LRRK2: variants seen among roughly 807,000 people sequenced by gnomAD.
LRRK2 encodes leucine-rich repeat serine/threonine-protein kinase 2.
A neutral mutation model predicts 302.6 loss-of-function variants in LRRK2; 203 were observed. The ratio of observed to expected loss-of-function variants is 0.67; its 90% confidence interval spans 0.60 to 0.75. The LOEUF (loss-of-function observed/expected upper bound fraction) is 0.75. Among genes scored for constraint, LRRK2 ranks in the 30% least tolerant of loss-of-function variants. The probability of loss-of-function intolerance (pLI) is 0.00; values close to 1 mark genes in which losing one functional copy is unlikely to be tolerated. For missense variants in LRRK2, 2,830 were observed against 2,951.0 expected, an observed-to-expected ratio of 0.96 and a Z score of 0.95; for synonymous variants, 1,066 against 1,031.9, an observed-to-expected ratio of 1.03 and a Z score of -0.63.
chr12:40,266,701 A>T (rs1943031013), intron 14 of LRRK2, among the ~76,000 whole-genome samples: 1 of 152,134 alleles, frequency 6.6e-6, no homozygotes, highest in Non-Finnish European at 1.5e-5. Flanking sequence ...ACACTTGCAC[A>T]CCTATGTTTA....
At chr12:40,348,555 A>G (rs199493663) in intron 43 of LRRK2, 46 bp downstream of exon 43, 2 of 1,085,416 alleles carry the variant, frequency 1.8e-6, no homozygotes, top group South Asian at 1.3e-5. Context: ...CATCATTTGC[A>G]TATATGCATA....
intron 3 of LRRK2, among the ~76,000 whole-genome samples, chr12:40,234,601 T>A (rs1413587021): frequency 1.3e-5 from 2 of 151,768 alleles, no homozygotes; most frequent in African/African-American, 4.8e-5. Flanking sequence ...ATGGTCTTGA[T>A]CTATTGACCT....
intron 33 of LRRK2, among the ~76,000 whole-genome samples, chr12:40,319,658 T>C (rs1480143110): frequency 6.6e-6 from 1 of 152,126 alleles, no homozygotes; most frequent in Non-Finnish European, 1.5e-5. Flanking sequence ...AATATATTAT[T>C]GATGAGACTG....
chr12:40,288,396 T>C (rs1042571608), intron 20 of LRRK2, among the ~76,000 whole-genome samples: 1 of 151,822 alleles, frequency 6.6e-6, no homozygotes, highest in Non-Finnish European at 1.5e-5. Flanking sequence ...TCTTCATGCC[T>C]CTTCACTGAA....
chr12:40,291,484 G>A (rs1241368532), intron 20 of LRRK2, among the ~76,000 whole-genome samples: 6 of 150,802 alleles, frequency 4.0e-5, no homozygotes, highest in Admixed American at 2.6e-4. Context: ...TTTGATTCAC[G>A]AGTTATTTAG....
intron 14 of LRRK2, among the ~76,000 whole-genome samples, chr12:40,268,039 A>C (rs533315165): frequency 2.0e-5 from 3 of 152,320 alleles, no homozygotes; most frequent in East Asian, 1.9e-4. Flanking sequence ...GATACATAAA[A>C]GTGCAATAAA....
At chr12:40,366,722 G>A (rs1946890635) in intron 49 of LRRK2, 1 of 336,308 alleles carries the variant, frequency 3.0e-6, no homozygotes, top group African/African-American at 2.2e-5. Flanking sequence ...TGTAACTTTG[G>A]GAAGGGTAAT....
intron 38 of LRRK2, among the ~76,000 whole-genome samples, chr12:40,325,514 G>A (rs1241944069): frequency 6.6e-6 from 1 of 152,206 alleles, no homozygotes; most frequent in Non-Finnish European, 1.5e-5. Context: ...AGAATGTTTG[G>A]CAGCATCTCT....
chr12:40,280,492 G>A (rs1425698213), intron 18 of LRRK2, among the ~76,000 whole-genome samples: 1 of 151,880 alleles, frequency 6.6e-6, no homozygotes, highest in Non-Finnish European at 1.5e-5. Context: ...GGGTATGGTG[G>A]TACCTGCTTA....
chr12:40,234,174 T>G (rs1344719947), intron 3 of LRRK2, among the ~76,000 whole-genome samples: 3 of 152,236 alleles, frequency 2.0e-5, no homozygotes, highest in South Asian at 2.1e-4. Flanking sequence ...GGTCCTCCAA[T>G]TGCCAAATGG....
chr12:40,293,184 T>G lies in LRRK2; in HGVS notation c.2690-361T>G, dbSNP rs1204116927. Among the ~76,000 whole-genome samples, 3 of 152,056 alleles carry G rather than the reference T, an allele frequency of 2.0e-5. No homozygotes were observed. In the East Asian group the frequency reaches 5.8e-4, roughly 29 times the overall value. The stretch of plus-strand genomic sequence containing the variant: ...ACAAACTTTCTGCACACACATATAT[T>G]TGTTATAACTTATGTAACCGTTGAT... On this transcript the variant is annotated intron_variant, in intron 20 of 50. Transcript: ENST00000298910.
intron 46 of LRRK2, among the ~76,000 whole-genome samples, chr12:40,358,757 G>C (rs1400669855): frequency 6.6e-6 from 1 of 151,958 alleles, no homozygotes; most frequent in Non-Finnish European, 1.5e-5. Flanking sequence ...ATTTCTGTGA[G>C]AAATATCATT....
chr12:40,346,443 C>A (rs1946192613), intron 41 of LRRK2, among the ~76,000 whole-genome samples: 1 of 152,060 alleles, frequency 6.6e-6, no homozygotes, highest in African/African-American at 2.4e-5. Flanking sequence ...TTATGAAATT[C>A]TACTTAATAA....
At chr12:40,341,403 C>T (rs995011578) in intron 41 of LRRK2, among the ~76,000 whole-genome samples, 2 of 152,144 alleles carry the variant, frequency 1.3e-5, no homozygotes, top group Non-Finnish European at 2.9e-5. Flanking sequence ...CAAATGGCCC[C>T]AGATTCCAAT....
intron 45 of LRRK2, 48 bp downstream of exon 45, chr12:40,354,540 G>A (rs200782685): frequency 2.5e-5 from 38 of 1,515,856 alleles, no homozygotes; most frequent in Admixed American, 5.1e-5. Context: ...TCTTTTAAAC[G>A]ACTGAATTGT....
intron 38 of LRRK2, among the ~76,000 whole-genome samples, chr12:40,324,313 A>T (rs1391764856): frequency 6.6e-6 from 1 of 152,158 alleles, no homozygotes; most frequent in Non-Finnish European, 1.5e-5. Context: ...ATGTTGTGGA[A>T]TGGAGAAGTT....
intron 2 of LRRK2, among the ~76,000 whole-genome samples, chr12:40,229,962 T>TC (rs2136385255): frequency 9.1e-6 from 1 of 110,002 alleles, no homozygotes; most frequent in South Asian, 2.9e-4. Flanking sequence ...TGACTTTTTT[T>TC]TTTTTTTTTT....
At chr12:40,279,243 A>C (rs538254790) in intron 18 of LRRK2, among the ~76,000 whole-genome samples, 7 of 100,032 alleles carry the variant, frequency 7.0e-5, no homozygotes, top group Non-Finnish European at 1.5e-4. Context: ...ACTGTATTTA[A>C]TATCCCTACT....
intron 37 of LRRK2, 110 bp downstream of exon 37, chr12:40,322,620 G>A: frequency 2.1e-6 from 2 of 948,476 alleles, no homozygotes; most frequent in Non-Finnish European, 3.3e-6. Flanking sequence ...TTGAAAAATA[G>A]TATATTCAAT....
Sources: allele counts gnomAD v4.1 joint callset (sites outside exome capture counted in the v4.1 genomes callset), GRCh38; gene constraint gnomAD v4.1.1; transcripts MANE v1.5; gene names NCBI Gene and HGNC (gene_info 2026-07-23, HGNC 2026-07-21).